The following SMOC2 variants were observed in gnomAD, a reference collection of about 807,000 sequenced individuals.
SMOC2 encodes the protein SPARC-related modular calcium-binding protein 2.
SMOC2 carries 39 observed loss-of-function variants against 61.4 expected under a neutral mutation model. The observed-to-expected ratio is 0.64, with a 90% CI of 0.49 to 0.83. The LOEUF (loss-of-function observed/expected upper bound fraction) is 0.83. SMOC2 is among the 40% of genes least tolerant of loss of function. The pLI is 0.00. For synonymous variants in SMOC2, 247 were observed against 239.9 expected (o/e 1.03, Z -0.27); for missense variants, 556 against 592.9 (o/e 0.94, Z 0.65).
At chr6:168,603,879 C>A (rs1785620873) in intron 8 of SMOC2, among the ~76,000 whole-genome samples, 1 of 152,178 alleles carries the variant, frequency 6.6e-6, no homozygotes, top group South Asian at 2.1e-4. Context: ...CCACTGAGGG[C>A]CCAGCCCCAG....
Position 168,598,641 on chromosome 6 carries a change from T to C in SMOC2, c.638-177T>C, listed in dbSNP as rs577783349. Among the ~76,000 whole-genome samples the C allele has an allele frequency of 7.2e-5, 11 of 152,296 alleles. No individual in the cohort carries two copies. The South Asian group carries it at 2.3e-3, about 32-fold the overall frequency. On this transcript the variant is annotated intron_variant, in intron 7 of 12. Coordinates refer to ENST00000356284, the MANE Select transcript of SMOC2 (RefSeq NM_001166412.2). ...CAGCAGCATGCGAGGCTGCGGGAAC[T>C]GGAGCCATGTGAGGTTCTGCCTCTC... is the stretch of plus-strand genomic sequence containing the variant.
intron 11 of SMOC2, 147 bp downstream of exon 11, chr6:168,653,375 T>G: frequency 2.1e-6 from 2 of 957,308 alleles, no homozygotes; most frequent in Non-Finnish European, 3.1e-6. Context: ...GGCGTCTGTT[T>G]GCAGAAATAA....
chr6:168,461,931 GGAT>G (rs1323172182), intron 1 of SMOC2, among the ~76,000 whole-genome samples: 10 of 152,186 alleles, frequency 6.6e-5, no homozygotes, highest in Admixed American at 5.2e-4. Context: ...CGTGGCAATG[GGAT>G]GATGCCTTAG....
At chr6:168,635,870 C>CAA (rs373754531) in intron 9 of SMOC2, among the ~76,000 whole-genome samples, 4,113 of 136,904 alleles carry the variant, frequency 0.03, 183 homozygotes, top group African/African-American at 0.096. Flanking sequence ...GACTCTGTCT[C>CAA]AAAAAAAAAA....
In SMOC2 at chr6:168,598,948, G is replaced by T; in HGVS notation, c.768G>T (p.Gly256=). The change falls in exon 8 of 13, where the codon GGG becomes GGT. Residue 256 remains glycine, a synonymous_variant. Transcript: ENST00000356284. ...CAGTGCAGTGCCACCCCTCCACGGG[G>T]TACTGCTGGTGCGTCCTGGTGGACA... ...YKPVQCHPST[G]YCWCVLVDTG... 1 of 1,613,480 alleles carries T rather than the reference G, an allele frequency of 6.2e-7. No homozygotes were observed. Among genetic ancestry groups the T allele is most frequent in the Non-Finnish European group, 8.5e-7 (1 of 1,179,642 alleles).
chr6:168,607,711 G>A (rs943972074), intron 8 of SMOC2, among the ~76,000 whole-genome samples: 2 of 151,238 alleles, frequency 1.3e-5, no homozygotes, highest in Non-Finnish European at 2.9e-5. Flanking sequence ...TGGGCGGGGT[G>A]GGGGTAGTGG....
chr6:168,508,463 C>T (rs771645636), intron 1 of SMOC2, among the ~76,000 whole-genome samples: 2 of 152,204 alleles, frequency 1.3e-5, no homozygotes, highest in Non-Finnish European at 2.9e-5. Flanking sequence ...GTTAGCTCCA[C>T]TGACACAACC....
intron 9 of SMOC2, among the ~76,000 whole-genome samples, chr6:168,610,819 T>C (rs1167347119): frequency 1.3e-5 from 2 of 152,364 alleles, no homozygotes; most frequent in Non-Finnish European, 2.9e-5. Flanking sequence ...TAGTGACGAC[T>C]GGGTCACCGT....
chr6:168,665,252 C>G (rs567274010), intron 12 of SMOC2: 1 of 154,620 alleles, frequency 6.5e-6, no homozygotes, highest in East Asian at 1.9e-4. Context: ...CTCTTTTTTC[C>G]AAAAAGAGAA....
At chr6:168,511,226 A>G (rs1390760151) in intron 2 of SMOC2, among the ~76,000 whole-genome samples, 1 of 152,220 alleles carries the variant, frequency 6.6e-6, no homozygotes, top group African/African-American at 2.4e-5. Context: ...GTTTGTTCTC[A>G]CACTGCTAAT....
intron 11 of SMOC2, among the ~76,000 whole-genome samples, chr6:168,656,617 C>G (rs1392696482): frequency 6.6e-6 from 1 of 151,140 alleles, no homozygotes; most frequent in African/African-American, 2.4e-5. Flanking sequence ...TTTGATCTGA[C>G]CTGGACTGAG....
intron 9 of SMOC2, among the ~76,000 whole-genome samples, chr6:168,621,994 C>T (rs528535875): frequency 1.3e-5 from 2 of 151,830 alleles, no homozygotes; most frequent in South Asian, 2.1e-4. Context: ...GAGATGGAGT[C>T]TCGCTCTGTG....
intron 1 of SMOC2, among the ~76,000 whole-genome samples, chr6:168,454,839 G>T (rs960219289): frequency 6.6e-6 from 1 of 152,230 alleles, no homozygotes; most frequent in African/African-American, 2.4e-5. Flanking sequence ...CTGGGGACAG[G>T]TTGTGCGTGG....
At position 168,452,702 on chromosome 6, in the gene SMOC2, A is replaced by C. The variant is rs1781491746; in HGVS notation, c.84+11248A>C. ...AAAATCATTAGCAGCTGTCATTTAG[A>C]TTTGTACACCATTCCTAGTCCCTTC... On this transcript the variant is annotated intron_variant, in intron 1 of 12. Coordinates refer to ENST00000356284, the MANE Select transcript of SMOC2 (RefSeq NM_001166412.2). This position sits in a 1 kb window ranked among gnomAD's most constrained non-coding sequence, Gnocchi z 5.0. Among the ~76,000 whole-genome samples the C allele has an allele frequency of 6.6e-6, 1 of 152,192 alleles. No homozygotes were observed. Among genetic ancestry groups the C allele is most frequent in the Admixed American group, 6.5e-5 (1 of 15,288 alleles).
intron 2 of SMOC2, among the ~76,000 whole-genome samples, chr6:168,519,837 T>C (rs983435452): frequency 2.0e-5 from 3 of 152,226 alleles, no homozygotes; most frequent in African/African-American, 4.8e-5. Flanking sequence ...ATAAATATTA[T>C]AAAGGCTGTC....
chr6:168,505,443 CTG>C (rs1396857804), intron 1 of SMOC2, among the ~76,000 whole-genome samples: 1 of 150,178 alleles, frequency 6.7e-6, no homozygotes, highest in African/African-American at 2.5e-5. Context: ...GGATGAATGA[CTG>C]AATGAAATGT....
At chr6:168,551,752 C>A (rs1335336883) in intron 7 of SMOC2, among the ~76,000 whole-genome samples, 1 of 152,196 alleles carries the variant, frequency 6.6e-6, no homozygotes, top group African/African-American at 2.4e-5. Flanking sequence ...CCATGCCAGG[C>A]TAAGAAATAT....
rs776512848 is a variant in SMOC2, at chr6:168,553,245, T to G, written c.637+4042T>G. Among the ~76,000 whole-genome samples, 5 of 152,212 alleles carry G rather than the reference T, an allele frequency of 3.3e-5. No individual in the cohort carries two copies. Among genetic ancestry groups the G allele is most frequent in the Non-Finnish European group, 7.3e-5 (5 of 68,038 alleles). ...ATACATTAAATAAACGAGTAAAATC[T>G]GAAGTTGCCTGTTACTTAAAAGTGC... On this transcript the variant is annotated intron_variant, in intron 7 of 12. Transcript: ENST00000356284. This position sits in a 1 kb window ranked among gnomAD's most constrained non-coding sequence, Gnocchi z 4.2.
At chr6:168,578,732 A>G (rs1264372864) in intron 7 of SMOC2, among the ~76,000 whole-genome samples, 1 of 152,234 alleles carries the variant, frequency 6.6e-6, no homozygotes, top group African/African-American at 2.4e-5. Flanking sequence ...TTCTAACCTC[A>G]TGTCATGAAT....
Sources: allele counts gnomAD v4.1 joint callset (sites outside exome capture counted in the v4.1 genomes callset), GRCh38; gene constraint gnomAD v4.1.1; non-coding constraint Gnocchi (gnomAD v3.1); transcripts MANE v1.5; gene names NCBI Gene and HGNC (gene_info 2026-07-23, HGNC 2026-07-21).